RAB11FIP4: variants seen among roughly 807,000 people sequenced by gnomAD.
RAB11FIP4 encodes RAB11 family interacting protein 4, also known as rab11 family-interacting protein 4.
RAB11FIP4 carries 23 observed loss-of-function variants against 74.3 expected under a neutral mutation model. The observed-to-expected ratio is 0.31, with a 90% CI of 0.22 to 0.44. The LOEUF (loss-of-function observed/expected upper bound fraction) is 0.44, where lower values mean the gene tolerates loss of function less well. Ranked by LOEUF, RAB11FIP4 falls within the 20% of genes least tolerant of loss-of-function variation. RAB11FIP4 has a pLI of 1.00. For missense variants in RAB11FIP4, 630 were observed against 863.9 expected (o/e 0.73, Z 3.39); for synonymous variants, 360 against 359.9 (o/e 1.00, Z 0.00).
intron 11 of RAB11FIP4, 118 bp from the exon 12 acceptor site, chr17:31,528,288 C>A: frequency 1.7e-6 from 2 of 1,168,606 alleles, no homozygotes; most frequent in Non-Finnish European, 2.4e-6. Flanking sequence ...TCTAAGGGAG[C>A]TGGTTTCACT....
At chr17:31,418,667 G>A (rs1390550958) in intron 1 of RAB11FIP4, among the ~76,000 whole-genome samples, 1 of 151,930 alleles carries the variant, frequency 6.6e-6, no homozygotes, top group Admixed American at 6.6e-5. Flanking sequence ...GTTTTGCCAT[G>A]TTGCCCAGGC....
intron 1 of RAB11FIP4, among the ~76,000 whole-genome samples, chr17:31,405,269 T>A (rs2071031981): frequency 6.6e-6 from 1 of 152,078 alleles, no homozygotes; most frequent in Admixed American, 6.5e-5. Flanking sequence ...CATGACTGGG[T>A]GCTGGAGCCC....
chr17:31,508,262 A>G (rs1184545440), intron 3 of RAB11FIP4, among the ~76,000 whole-genome samples: 1 of 152,196 alleles, frequency 6.6e-6, no homozygotes, highest in African/African-American at 2.4e-5. Flanking sequence ...GGATCACACC[A>G]TGGTCCAGGG....
intron 1 of RAB11FIP4, among the ~76,000 whole-genome samples, chr17:31,427,888 A>G (rs2071268798): frequency 6.6e-6 from 1 of 152,190 alleles, no homozygotes; most frequent in Non-Finnish European, 1.5e-5. Context: ...ATTGCCTGGC[A>G]GTGTCAGAGG....
At chr17:31,432,866 A>G (rs989655544) in intron 2 of RAB11FIP4, among the ~76,000 whole-genome samples, 2 of 152,136 alleles carry the variant, frequency 1.3e-5, no homozygotes, top group Non-Finnish European at 2.9e-5. Flanking sequence ...GCTCACACCT[A>G]TAGTCTCAGC....
At chr17:31,462,033 G>A (rs772161140) in intron 3 of RAB11FIP4, among the ~76,000 whole-genome samples, 4 of 152,112 alleles carry the variant, frequency 2.6e-5, no homozygotes, top group Non-Finnish European at 5.9e-5. Context: ...AGGCCAAGAT[G>A]GGTGGATCAC....
intron 1 of RAB11FIP4, 42 bp downstream of exon 1, chr17:31,392,053 C>G: frequency 3.3e-6 from 4 of 1,208,848 alleles, no homozygotes; most frequent in Non-Finnish European, 1.0e-6. Context: ...GGACCCCAGC[C>G]CAGCCCCGCC....
At position 31,426,774 on chromosome 17, in the gene RAB11FIP4, G is replaced by A. The variant is rs1452391814; in HGVS notation, c.160-5039G>A. On this transcript the variant is annotated intron_variant, in intron 1 of 14. Transcript: ENST00000621161. The stretch of plus-strand genomic sequence containing the variant: ...CCACCATGCCCAGCTACTTTTTCTT[G>A]TATTTTTAGTAGAGACGGGGTTTCA... 4.0e-5 allele frequency among the ~76,000 whole-genome samples: 6 copies of A among 151,572 alleles called. No homozygotes were observed. In the South Asian group the frequency reaches 8.4e-4, roughly 21 times the overall value.
At chr17:31,487,937 C>T (rs2071927526) in intron 3 of RAB11FIP4, 1 of 655,618 alleles carries the variant, frequency 1.5e-6, no homozygotes, top group African/African-American at 2.0e-5. Flanking sequence ...GGCTCGGGTT[C>T]CGGGGCCGCG....
intron 1 of RAB11FIP4, among the ~76,000 whole-genome samples, chr17:31,427,996 G>T (rs1441757165): frequency 1.3e-5 from 2 of 152,206 alleles, no homozygotes; most frequent in African/African-American, 4.8e-5. Flanking sequence ...TTTCCTGAGA[G>T]CCCACTAGGT....
intron 1 of RAB11FIP4, among the ~76,000 whole-genome samples, chr17:31,399,096 G>A (rs762432561): frequency 3.3e-5 from 5 of 151,908 alleles, no homozygotes; most frequent in Non-Finnish European, 7.4e-5. Flanking sequence ...AGTGTAGGGC[G>A]GAGGGCTCCT....
chr17:31,513,047 C>T (rs1030440945), intron 3 of RAB11FIP4, among the ~76,000 whole-genome samples: 3 of 152,082 alleles, frequency 2.0e-5, no homozygotes, highest in African/African-American at 7.2e-5. Context: ...GGATGTAGAC[C>T]GTGCAGCTGG....
At chr17:31,504,129 C>CTACTTTTTTTTTTTTTTTTTTTT (rs1567680166) in intron 3 of RAB11FIP4, among the ~76,000 whole-genome samples, 1 of 143,532 alleles carries the variant, frequency 7.0e-6, no homozygotes, top group African/African-American at 2.9e-5. Context: ...TTTACTACTA[C>CTACTTTTTTTTTTTTTTTTTTTT]TTCTTTTTTT....
chr17:31,398,180 A>C (rs946095544), intron 1 of RAB11FIP4, among the ~76,000 whole-genome samples: 1 of 152,110 alleles, frequency 6.6e-6, no homozygotes, highest in Non-Finnish European at 1.5e-5. Context: ...CTGGGATTAC[A>C]GCCATGTGCC....
At chr17:31,461,717 C>A (rs1401199022) in intron 3 of RAB11FIP4, among the ~76,000 whole-genome samples, 1 of 150,738 alleles carries the variant, frequency 6.6e-6, no homozygotes, top group Non-Finnish European at 1.5e-5. Context: ...CCACTGCACC[C>A]AGCCTTTTTT....
chr17:31,522,135 C>A, intron 6 of RAB11FIP4, 86 bp downstream of exon 6: 1 of 1,554,210 alleles, frequency 6.4e-7, no homozygotes, highest in Non-Finnish European at 8.8e-7. Context: ...GGCGAGGCGA[C>A]CCCTGCTGTC....
chr17:31,464,013 C>T (rs2071659492), intron 3 of RAB11FIP4, among the ~76,000 whole-genome samples: 1 of 151,674 alleles, frequency 6.6e-6, no homozygotes, highest in Non-Finnish European at 1.5e-5. Flanking sequence ...AGGGTTTTGC[C>T]ATGTTGGCCA....
chr17:31,497,384 A>C (rs537924997), intron 3 of RAB11FIP4, among the ~76,000 whole-genome samples: 11 of 152,006 alleles, frequency 7.2e-5, no homozygotes, highest in Admixed American at 1.3e-4. Flanking sequence ...CAAAAAAAAA[A>C]CTGCTTTGTG....
intron 11 of RAB11FIP4, 26 bp from the exon 12 acceptor site, chr17:31,528,380 C>T: frequency 1.2e-6 from 2 of 1,607,434 alleles, no homozygotes; most frequent in Non-Finnish European, 1.7e-6. Context: ...GAACTCTCCT[C>T]CCCTGATCGG....
Sources: allele counts gnomAD v4.1 joint callset (sites outside exome capture counted in the v4.1 genomes callset), GRCh38; gene constraint gnomAD v4.1.1; transcripts MANE v1.5; gene names NCBI Gene and HGNC (gene_info 2026-07-23, HGNC 2026-07-21).